The following RYR2 variants were observed in gnomAD, a reference collection of about 807,000 sequenced individuals.
RYR2 encodes ryanodine receptor 2.
Under a neutral mutation model 601.1 loss-of-function variants are expected in RYR2, and 227 were observed. That is an observed-to-expected ratio of 0.38 (90% CI 0.34 to 0.42). The LOEUF is 0.42. Among genes scored for constraint, RYR2 ranks in the 10% least tolerant of loss-of-function variants. The pLI, the probability that RYR2 is intolerant of heterozygous loss-of-function variation, is 1.00. For synonymous variants in RYR2, 2,223 were observed against 2,175.1 expected, an observed-to-expected ratio of 1.02 and a Z score of -0.61; for missense variants, 4,646 against 6,156.5, an observed-to-expected ratio of 0.75 and a Z score of 8.21.
intron 24 of RYR2, among the ~76,000 whole-genome samples, chr1:237,514,997 C>A (rs1227573437): frequency 6.6e-6 from 1 of 152,130 alleles, no homozygotes; most frequent in South Asian, 2.1e-4. Flanking sequence ...TCCAGAATAT[C>A]CCTTATTTTG....
intron 1 of RYR2, among the ~76,000 whole-genome samples, chr1:237,131,911 G>A (rs1393468749): frequency 6.6e-6 from 1 of 151,810 alleles, no homozygotes; most frequent in Non-Finnish European, 1.5e-5. Context: ...GTGTATGTAG[G>A]TGGGGACGCC....
rs1042604457 is a variant in RYR2 at position 237,620,661 on chromosome 1, A to C, written c.5917-3104A>C. On this transcript the variant is annotated intron_variant, in intron 38 of 104. Transcript: ENST00000366574. The stretch of plus-strand genomic sequence containing the variant: ...AATAAAGCAGGAGTAGCTATGTTAC[A>C]TAAAGTTGACTTCAGAGCACAGAAA... 2.6e-5 allele frequency among the ~76,000 whole-genome samples: 4 copies of C among 152,158 alleles called. No individual in the cohort carries two copies. The East Asian group carries it at 5.8e-4, about 22-fold the overall frequency.
At chr1:237,547,267 A>G (rs1004017916) in intron 25 of RYR2, among the ~76,000 whole-genome samples, 2 of 151,962 alleles carry the variant, frequency 1.3e-5, no homozygotes, top group African/African-American at 4.8e-5. Flanking sequence ...TGGCCTCCCA[A>G]AGTGCTGGGA....
chr1:237,622,682 A>G (rs1679196339), intron 38 of RYR2, among the ~76,000 whole-genome samples: 1 of 152,236 alleles, frequency 6.6e-6, no homozygotes, highest in Non-Finnish European at 1.5e-5. Flanking sequence ...TGCACCAAGT[A>G]CTATGTCTAA....
chr1:237,264,895 T>C (rs1188857359), intron 1 of RYR2, among the ~76,000 whole-genome samples: 1 of 151,642 alleles, frequency 6.6e-6, no homozygotes, highest in Non-Finnish European at 1.5e-5. Context: ...AGAGATGGGG[T>C]TTCACCATGT....
chr1:237,808,823 C>T lies in RYR2; in HGVS notation c.14299-78C>T, dbSNP rs191649018. Reference sequence around the variant, plus strand: ...ACGGCTGTGTTCTCACTAGAGCACTCGCCGCCCATGTAGATGTCACGTGTC... The same window carrying T: ...ACGGCTGTGTTCTCACTAGAGCACTTGCCGCCCATGTAGATGTCACGTGTC... On this transcript the variant is annotated intron_variant, in intron 99 of 104. Transcript: ENST00000366574. 2.1e-4 allele frequency: 297 copies of T among 1,418,706 alleles called. No individual in the cohort carries two copies. The East Asian group carries it at 6.4e-3, about 30-fold the overall frequency. 87.9% of individuals were successfully genotyped at this position (1,418,706 alleles called of 1,614,324 possible). A position where few individuals can be genotyped will look rare whatever the true frequency, so the allele number is the denominator to read the frequency against.
chr1:237,364,315 G>C, intron 4 of RYR2, 43 bp from the exon 5 acceptor site: 1 of 1,549,614 alleles, frequency 6.5e-7, no homozygotes, highest in Non-Finnish European at 8.8e-7. Context: ...CTTTGAGATC[G>C]TGTCTATTTA....
At chr1:237,775,075 C>CAAAAAA (rs5781992) in intron 87 of RYR2, among the ~76,000 whole-genome samples, 5 of 90,446 alleles carry the variant, frequency 5.5e-5, no homozygotes, top group African/African-American at 7.3e-5. Context: ...CAATAAGAAC[C>CAAAAAA]AAAAAAAAAA....
intron 10 of RYR2, among the ~76,000 whole-genome samples, chr1:237,397,209 G>A (rs1702933084): frequency 6.6e-6 from 1 of 151,708 alleles, no homozygotes; most frequent in Non-Finnish European, 1.5e-5. Flanking sequence ...CTGCACTCTG[G>A]CCTGCCTGAC....
At chr1:237,259,470 C>CACTCCAGCCTGGGCAACAGAGTGAG (rs553851771) in intron 1 of RYR2, among the ~76,000 whole-genome samples, 1 of 150,916 alleles carries the variant, frequency 6.6e-6, no homozygotes, top group South Asian at 2.1e-4. Flanking sequence ...CACACCACTG[C>CACTCCAGCCTGGGCAACAGAGTGAG]ACTCCAGCCT....
chr1:237,051,630 G>C (rs915540090), intron 1 of RYR2, among the ~76,000 whole-genome samples: 8 of 152,092 alleles, frequency 5.3e-5, no homozygotes, highest in African/African-American at 1.9e-4. Context: ...ACCTACTGCT[G>C]TTGGCAACTT....
chr1:237,112,571 CAAAAA>C (rs11419585), intron 1 of RYR2, among the ~76,000 whole-genome samples: 6 of 137,212 alleles, frequency 4.4e-5, no homozygotes, highest in Non-Finnish European at 3.1e-5. Context: ...GCTACAACAT[CAAAAA>C]AAAAAAAAAA....
intron 6 of RYR2, among the ~76,000 whole-genome samples, chr1:237,371,545 T>A (rs1396749874): frequency 6.6e-6 from 1 of 152,250 alleles, no homozygotes; most frequent in Admixed American, 6.5e-5. Flanking sequence ...GATAGTTCAA[T>A]ATCTAGAATA....
At chr1:237,204,082 C>T (rs1051250010) in intron 1 of RYR2, among the ~76,000 whole-genome samples, 3 of 152,208 alleles carry the variant, frequency 2.0e-5, no homozygotes, top group Non-Finnish European at 2.9e-5. Context: ...GCAATCATGA[C>T]GCACTGCAAC....
In RYR2 at chr1:237,122,531, A is replaced by G. The variant is rs118046345; in HGVS notation, c.48+79962A>G. The stretch of plus-strand genomic sequence containing the variant: ...ACCCCGTTTCTACTAAAAATAGAAC[A>G]ATCAGCCAGGCGTGGTGGCCTACGC... On this transcript the variant is annotated intron_variant, in intron 1 of 104. Coordinates refer to ENST00000366574, the MANE Select transcript of RYR2 (RefSeq NM_001035.3). Among the ~76,000 whole-genome samples, 1,137 of 152,226 alleles carry G rather than the reference A, an allele frequency of 7.5e-3. 83 individuals carry two copies. The East Asian group carries it at 0.16, about 21-fold the overall frequency.
chr1:237,341,618 C>T lies in RYR2; in HGVS notation c.273+10636C>T, dbSNP rs771754690. ...TATTCGCTTGCTATACCACTAACAT[C>T]CAAGACAATGCATGTTATGTACTAG... On this transcript the variant is annotated intron_variant, in intron 3 of 104. Transcript: ENST00000366574. 1.9e-5 allele frequency: 10 copies of T among 515,140 alleles called. No homozygotes were observed. In the East Asian group the frequency reaches 5.5e-4, roughly 28 times the overall value. 31.9% of individuals were successfully genotyped at this position (515,140 alleles called of 1,614,324 possible).
chr1:237,628,093 A>C lies in RYR2; in HGVS notation c.6440+13A>C. The stretch of plus-strand genomic sequence containing the variant: ...TTCGTGGATTAGGGTAAATTATTTA[A>C]CTACTACAACCCTTTGTCTCGTAAA... On this transcript the variant is annotated intron_variant, in intron 41 of 104. Transcript: ENST00000366574. 1.9e-6 allele frequency: 3 copies of C among 1,612,350 alleles called. No individual in the cohort carries two copies. Among genetic ancestry groups the C allele is most frequent in the Non-Finnish European group, 2.5e-6 (3 of 1,178,806 alleles).
At chr1:237,163,369 C>T (rs1221582359) in intron 1 of RYR2, among the ~76,000 whole-genome samples, 1 of 147,088 alleles carries the variant, frequency 6.8e-6, no homozygotes, top group African/African-American at 2.5e-5. Context: ...CCCCCACCCC[C>T]ACCCCTCCAC....
chr1:237,579,623 T>C (rs1448385523), intron 29 of RYR2, among the ~76,000 whole-genome samples: 3 of 152,150 alleles, frequency 2.0e-5, no homozygotes, highest in Non-Finnish European at 2.9e-5. Context: ...ATTAATTTAA[T>C]AGGAAAAAAG....
Sources: gnomAD v4.1 joint callset for allele counts (sites outside exome capture counted in the v4.1 genomes callset) on GRCh38, gnomAD v4.1.1 for gene constraint, MANE v1.5 for transcripts, NCBI Gene and HGNC (gene_info 2026-07-23, HGNC 2026-07-21) for gene names.